The following LANCL2 variants were observed in gnomAD, a reference collection of about 807,000 sequenced individuals.
LANCL2 encodes the protein lanC-like protein 2.
In LANCL2, 33 loss-of-function variants were observed where a neutral mutation model predicts 56.9. The ratio of observed to expected loss-of-function variants is 0.58; its 90% confidence interval spans 0.44 to 0.78. The LOEUF is 0.78. Ranked by LOEUF, LANCL2 falls within the 30% of genes least tolerant of loss-of-function variation. LANCL2 has a pLI of 0.00. For missense variants in LANCL2, 562 were observed against 580.2 expected, an observed-to-expected ratio of 0.97 and a Z score of 0.32; for synonymous variants, 233 against 228.2, an observed-to-expected ratio of 1.02 and a Z score of -0.19.
At position 55,402,779 on chromosome 7, in the gene LANCL2, G is replaced by A. The variant is rs13229431; in HGVS notation, c.825+1459G>A. ...TTCTCAGACGGGGCGGTTGCCGGGC[G>A]GAGGGTCTCCTCACTTCTCAGACGG... On this transcript the variant is annotated intron_variant, in intron 5 of 8. Transcript: ENST00000254770. 8.6e-4 allele frequency among the ~76,000 whole-genome samples: 88 copies of A among 101,748 alleles called. 4 individuals are homozygous for A. Among genetic ancestry groups the A allele is most frequent in the Middle Eastern group, 5.2e-3 (1 of 194 alleles). 66.8% of individuals were successfully genotyped at this position (101,748 alleles called of 152,430 possible). A position where few individuals can be genotyped will look rare whatever the true frequency, so the allele number is the denominator to read the frequency against.
At position 55,401,082 on chromosome 7, in the gene LANCL2, A is replaced by G. The variant is rs558628506; in HGVS notation, c.679-92A>G. 51 of 1,018,102 alleles carry G rather than the reference A, an allele frequency of 5.0e-5. 1 individual carries two copies. Among genetic ancestry groups the G allele is most frequent in the South Asian group, 1.8e-4 (10 of 56,266 alleles). 63.1% of individuals were successfully genotyped at this position (1,018,102 alleles called of 1,614,324 possible). ...GATTAAGGCTTCTGCCTCTCTCTCT[A>G]TATATGTCATATATATATGACATAC... On this transcript the variant is annotated intron_variant, in intron 4 of 8. Coordinates refer to ENST00000254770, the MANE Select transcript of LANCL2 (RefSeq NM_018697.4).
chr7:55,414,983 C>CAAAA (rs372708498), intron 6 of LANCL2, among the ~76,000 whole-genome samples: 28 of 62,152 alleles, frequency 4.5e-4, no homozygotes, highest in African/African-American at 5.1e-4. Flanking sequence ...GACCCTACCT[C>CAAAA]AAAAAAAAAA....
intron 4 of LANCL2, among the ~76,000 whole-genome samples, chr7:55,400,626 C>CT (rs552159580): frequency 5.6e-4 from 86 of 152,342 alleles, no homozygotes; most frequent in African/African-American, 2.0e-3. Context: ...TCAGCTGTCT[C>CT]TAACTAGGGA....
intron 6 of LANCL2, among the ~76,000 whole-genome samples, chr7:55,416,026 T>A (rs189982264): frequency 4.2e-4 from 64 of 152,336 alleles, no homozygotes; most frequent in African/African-American, 1.4e-3. Flanking sequence ...TCTTTTGGGT[T>A]AATATCTAGG....
chr7:55,404,265 C>T (rs1444987447), intron 5 of LANCL2, among the ~76,000 whole-genome samples: 1 of 152,138 alleles, frequency 6.6e-6, no homozygotes, highest in Non-Finnish European at 1.5e-5. Flanking sequence ...TCCTCCTCCT[C>T]CCTCCTCTAC....
chr7:55,414,756 G>A (rs1583762071), intron 6 of LANCL2, among the ~76,000 whole-genome samples: 1 of 152,066 alleles, frequency 6.6e-6, no homozygotes, highest in East Asian at 1.9e-4. Flanking sequence ...AAGGCAGGAG[G>A]GTTGCTTGAG....
At chr7:55,377,757 T>A (rs1790019451) in intron 1 of LANCL2, among the ~76,000 whole-genome samples, 1 of 152,200 alleles carries the variant, frequency 6.6e-6, no homozygotes, top group Non-Finnish European at 1.5e-5. Flanking sequence ...AAGAACATTT[T>A]CTTCCCGATT....
In LANCL2 at chr7:55,412,068, C is replaced by T. The variant is rs747231520; in HGVS notation, c.987C>T (p.His329=). ...GCCACGGCGCCCCGGGGGTCATCCA[C>T]ATGCTCATGCAGGCGTACAAGGTCA... ...HWCHGAPGVI[H]MLMQAYKVFK... Residue 329 remains histidine, a synonymous_variant, in exon 6 of 9, where the codon CAC becomes CAT. Transcript: ENST00000254770. 2 of 1,613,990 alleles carry T rather than the reference C, an allele frequency of 1.2e-6. No homozygotes were observed. The highest frequency in any genetic ancestry group is 2.2e-5 in the East Asian group (1 of 44,892).
intron 1 of LANCL2, among the ~76,000 whole-genome samples, chr7:55,389,444 T>C (rs912535137): frequency 2.0e-5 from 3 of 152,162 alleles, no homozygotes; most frequent in Non-Finnish European, 4.4e-5. Context: ...AGAAAAAGGT[T>C]GAAAGTGAAT....
intron 1 of LANCL2, among the ~76,000 whole-genome samples, chr7:55,371,819 C>T (rs1362154050): frequency 1.3e-5 from 2 of 152,144 alleles, no homozygotes; most frequent in Non-Finnish European, 2.9e-5. Context: ...TGTTTAACCT[C>T]ATAATATATC....
chr7:55,408,979 CAAAA>C (rs35907460), intron 5 of LANCL2, among the ~76,000 whole-genome samples: 2 of 116,102 alleles, frequency 1.7e-5, no homozygotes, highest in Admixed American at 8.4e-5. Context: ...AACTCTGTCT[CAAAA>C]AAAAAAAAAA....
chr7:55,379,241 G>A (rs1790038111), intron 1 of LANCL2, among the ~76,000 whole-genome samples: 1 of 152,222 alleles, frequency 6.6e-6, no homozygotes, highest in Non-Finnish European at 1.5e-5. Flanking sequence ...CCATGATAGA[G>A]CTAAGACGGC....
chr7:55,417,317 TC>T, intron 6 of LANCL2, among the ~76,000 whole-genome samples: 1 of 152,100 alleles, frequency 6.6e-6, no homozygotes, highest in Non-Finnish European at 1.5e-5. Flanking sequence ...ATCTGATTGT[TC>T]CCATACCTTT....
intron 1 of LANCL2, among the ~76,000 whole-genome samples, chr7:55,367,340 TAAG>T (rs1318310029): frequency 7.2e-5 from 11 of 152,234 alleles, no homozygotes; most frequent in African/African-American, 2.7e-4. Flanking sequence ...TGGCTAAAAC[TAAG>T]AAGGTAATTT....
At chr7:55,420,007 C>G (rs557036482) in intron 6 of LANCL2, among the ~76,000 whole-genome samples, 1 of 152,076 alleles carries the variant, frequency 6.6e-6, no homozygotes, top group Non-Finnish European at 1.5e-5. Flanking sequence ...CCAAAATTAT[C>G]TGGGCATGGT....
At chr7:55,376,797 G>A (rs1235769534) in intron 1 of LANCL2, among the ~76,000 whole-genome samples, 2 of 152,178 alleles carry the variant, frequency 1.3e-5, no homozygotes, top group African/African-American at 4.8e-5. Flanking sequence ...GGAACATTTT[G>A]GGGAGTACCC....
At chr7:55,402,392 A>C (rs1583755506) in intron 5 of LANCL2, among the ~76,000 whole-genome samples, 3 of 82,502 alleles carry the variant, frequency 3.6e-5, no homozygotes, top group South Asian at 4.4e-4. Flanking sequence ...GGCGCCCCTC[A>C]CCTCCCGGAC....
chr7:55,376,014 G>C (rs1312818044), intron 1 of LANCL2, among the ~76,000 whole-genome samples: 1 of 152,100 alleles, frequency 6.6e-6, no homozygotes, highest in African/African-American at 2.4e-5. Context: ...CCTTTTATGG[G>C]CTCATGGGAT....
intron 4 of LANCL2, among the ~76,000 whole-genome samples, 194 bp downstream of exon 4, chr7:55,400,298 A>G (rs1790306589): frequency 6.6e-6 from 1 of 152,186 alleles, no homozygotes; most frequent in Non-Finnish European, 1.5e-5. Flanking sequence ...TTCATCTTGT[A>G]TTAATTTATC....
Sources: gnomAD v4.1 joint callset for allele counts (sites outside exome capture counted in the v4.1 genomes callset) on GRCh38, gnomAD v4.1.1 for gene constraint, MANE v1.5 for transcripts, NCBI Gene and HGNC (gene_info 2026-07-23, HGNC 2026-07-21) for gene names.